Variants in PLSCR1 observed in about 807,000 individuals in gnomAD.
The protein encoded by PLSCR1 is PL scramblase 1.
PLSCR1 carries 17 observed loss-of-function variants against 37.8 expected under a neutral mutation model. That is an observed-to-expected ratio of 0.45 (90% CI 0.31 to 0.68). The LOEUF is 0.68. Among genes scored for constraint, PLSCR1 ranks in the 30% least tolerant of loss-of-function variants. The pLI, the probability that PLSCR1 is intolerant of heterozygous loss-of-function variation, is 0.06. For synonymous variants in PLSCR1, 116 were observed against 125.9 expected (o/e 0.92, Z 0.53); for missense variants, 347 against 380.9 (o/e 0.91, Z 0.74).
chr3:146,536,750 C>T (rs2044270810), intron 1 of PLSCR1, 185 bp from the exon 2 acceptor site: 1 of 499,844 alleles, frequency 2.0e-6, no homozygotes, highest in East Asian at 3.0e-5. Context: ...TGCTGTGTTT[C>T]TGAGTAGGAA....
chr3:146,523,411 G>A lies in PLSCR1; in HGVS notation c.356-1358C>T, dbSNP rs553705973. ...GTGTAATGTGGAGGGGAATATAAGA[G>A]GATTGCTGTTTATGTGCTATGAAAT... On this transcript the variant is annotated intron_variant, in intron 5 of 8. Transcript: ENST00000342435. 1.1e-4 allele frequency among the ~76,000 whole-genome samples: 17 copies of A among 152,286 alleles called. 1 individual carries two copies. Among genetic ancestry groups the A allele is most frequent in the Admixed American group, 9.2e-4 (14 of 15,292 alleles).
At chr3:146,533,797 AG>A (rs1400503729) in intron 2 of PLSCR1, among the ~76,000 whole-genome samples, 3 of 152,196 alleles carry the variant, frequency 2.0e-5, no homozygotes, top group Admixed American at 6.5e-5. Context: ...CTGAATTACC[AG>A]TTTTTGAAAC....
chr3:146,530,221 G>A (rs1226062656), intron 3 of PLSCR1, among the ~76,000 whole-genome samples: 2 of 152,072 alleles, frequency 1.3e-5, no homozygotes, highest in Admixed American at 6.5e-5. Context: ...ACTTAGAATA[G>A]GAAATTTACA....
intron 1 of PLSCR1, among the ~76,000 whole-genome samples, chr3:146,539,639 C>T (rs772032194): frequency 6.6e-6 from 1 of 152,182 alleles, no homozygotes; most frequent in Non-Finnish European, 1.5e-5. Context: ...AAAACAATGA[C>T]AATTTGTTCA....
intron 4 of PLSCR1, among the ~76,000 whole-genome samples, chr3:146,526,169 G>A (rs1198965026): frequency 4.4e-5 from 5 of 114,528 alleles, no homozygotes; most frequent in East Asian, 2.5e-4. Context: ...GGCAACAAGC[G>A]TGAGACTCCA....
intron 1 of PLSCR1, among the ~76,000 whole-genome samples, chr3:146,537,275 C>T (rs915373692): frequency 1.1e-4 from 16 of 152,092 alleles, no homozygotes; most frequent in Admixed American, 1.0e-3. Context: ...TGCCTTGATC[C>T]GATCCTAGTT....
At chr3:146,535,458 A>C (rs936736121) in intron 2 of PLSCR1, among the ~76,000 whole-genome samples, 83 of 152,198 alleles carry the variant, frequency 5.5e-4, no homozygotes, top group African/African-American at 2.0e-3. Flanking sequence ...AATGCAACTT[A>C]AAATGGCTTA....
At position 146,528,683 on chromosome 3, in the gene PLSCR1, T is replaced by G; in HGVS notation, c.243A>C (p.Ala81=). The G allele has an allele frequency of 6.2e-7, 1 of 1,614,160 alleles. No individual in the cohort carries two copies. The highest frequency in any genetic ancestry group is 1.1e-5 in the South Asian group (1 of 91,090). The change falls in exon 4 of 9, where the codon GCA becomes GCC. Residue 81 remains alanine, a synonymous_variant. Coordinates refer to ENST00000342435, the MANE Select transcript of PLSCR1 (RefSeq NM_021105.3). ...GTGGCGCTGGCATCCATGGTACCCC[T>G]GCAGCTCCAACTGGCTGATTATATA... ...QPVYNQPVGA[A]GVPWMPAPQP... is the part of the protein sequence containing the mutation.
rs1490251882 is a variant in PLSCR1, at chr3:146,521,676, T to C, written c.606A>G (p.Pro202=). The C allele has an allele frequency of 1.2e-6, 2 of 1,613,474 alleles. No homozygotes were observed. Among genetic ancestry groups the C allele is most frequent in the Admixed American group, 3.3e-5 (2 of 59,990 alleles). Residue 202 remains proline (P), a synonymous_variant, in exon 7 of 9, where the codon CCA becomes CCG. Transcript: ENST00000342435. ...EIEIQAPPGV[P]IGYVIQTWHP... ...GCCAAGTCTGAATAACATAACCTAT[T>C]GGTACACCAGGAGGAGCTTGGATTT...
At chr3:146,531,001 G>C (rs2108649705) in intron 3 of PLSCR1, among the ~76,000 whole-genome samples, 1 of 152,286 alleles carries the variant, frequency 6.6e-6, no homozygotes, top group East Asian at 1.9e-4. Context: ...TATAATACCA[G>C]TGTAATTAAT....
chr3:146,534,962 T>A (rs2044247182), intron 2 of PLSCR1, among the ~76,000 whole-genome samples: 1 of 152,136 alleles, frequency 6.6e-6, no homozygotes, highest in African/African-American at 2.4e-5. Flanking sequence ...GCAACATACC[T>A]TGTGATTTGT....
chr3:146,527,566 T>G (rs1414098023), intron 4 of PLSCR1, among the ~76,000 whole-genome samples: 1 of 152,200 alleles, frequency 6.6e-6, no homozygotes, highest in South Asian at 2.1e-4. Context: ...GATTTTTTTT[T>G]ACAAGTTTCA....
intron 5 of PLSCR1, among the ~76,000 whole-genome samples, chr3:146,523,770 C>T (rs1437005442): frequency 1.3e-5 from 2 of 152,204 alleles, no homozygotes; most frequent in Non-Finnish European, 2.9e-5. Flanking sequence ...AATGCTGACA[C>T]TCACATACTT....
rs372065802 is a variant in PLSCR1 at position 146,523,087 on chromosome 3, C to A, written c.356-1034G>T. Among the ~76,000 whole-genome samples the A allele has an allele frequency of 3.7e-4, 56 of 152,262 alleles. No individual in the cohort carries two copies. The East Asian group carries it at 8.9e-3, about 24-fold the overall frequency. On this transcript the variant is annotated intron_variant, in intron 5 of 8. Coordinates refer to ENST00000342435, the MANE Select transcript of PLSCR1 (RefSeq NM_021105.3). ...AAGGGAACTCAGAGGCCGGTGCTGGCGCGGGTCCTCCGTATGCTGAATGCC... is the reference window on the plus strand; with the variant it reads ...AAGGGAACTCAGAGGCCGGTGCTGGAGCGGGTCCTCCGTATGCTGAATGCC...
chr3:146,522,181 G>T, intron 5 of PLSCR1, 128 bp from the exon 6 acceptor site: 1 of 656,134 alleles, frequency 1.5e-6, no homozygotes, highest in Non-Finnish European at 2.7e-6. Context: ...GAGAAGAAAT[G>T]ATGTTTAGAG....
intron 2 of PLSCR1, among the ~76,000 whole-genome samples, 163 bp from the exon 3 acceptor site, chr3:146,533,713 G>A (rs2108657519): frequency 6.6e-6 from 1 of 152,272 alleles, no homozygotes; most frequent in South Asian, 2.1e-4. Flanking sequence ...TGTTCTCAGA[G>A]CTAATTTGCA....
At chr3:146,541,712 G>C (rs890127089) in intron 1 of PLSCR1, among the ~76,000 whole-genome samples, 3 of 152,154 alleles carry the variant, frequency 2.0e-5, no homozygotes, top group African/African-American at 7.2e-5. Context: ...CAGGTGCTAT[G>C]GTTAGAATGT....
intron 1 of PLSCR1, among the ~76,000 whole-genome samples, chr3:146,537,177 T>C (rs1054170505): frequency 2.6e-5 from 4 of 152,096 alleles, no homozygotes; most frequent in Non-Finnish European, 4.4e-5. Context: ...CCATAGCACC[T>C]TGACCACCCA....
rs971859354 is a variant in PLSCR1, at chr3:146,515,934, G to A, written c.*111C>T. On this transcript the variant is annotated 3_prime_UTR_variant, in exon 9 of 9. Transcript: ENST00000342435. ...ATAAACTATAATTTGAAAAGCAAAA[G>A]TATACAACCAGAGCTACAGGCCTTA... is the stretch of plus-strand genomic sequence containing the variant. 29 of 643,864 alleles carry A rather than the reference G, an allele frequency of 4.5e-5. No homozygotes were observed. The highest frequency in any genetic ancestry group is 3.7e-4 in the Admixed American group (13 of 34,896). 39.9% of individuals were successfully genotyped at this position (643,864 alleles called of 1,614,324 possible). A position where few individuals can be genotyped will look rare whatever the true frequency, so the allele number is the denominator to read the frequency against.
Sources: gnomAD v4.1 joint callset for allele counts (sites outside exome capture counted in the v4.1 genomes callset) on GRCh38, gnomAD v4.1.1 for gene constraint, MANE v1.5 for transcripts, NCBI Gene and HGNC (gene_info 2026-07-23, HGNC 2026-07-21) for gene names.